The following PTCHD4 variants were observed in gnomAD, a reference collection of about 807,000 sequenced individuals.
The protein encoded by PTCHD4 is patched domain-containing protein 4.
A neutral mutation model predicts 58.1 loss-of-function variants in PTCHD4; 33 were observed. That is an observed-to-expected ratio of 0.57 (90% CI 0.43 to 0.76). The LOEUF is 0.76. Among genes scored for constraint, PTCHD4 ranks in the 30% least tolerant of loss-of-function variants. The pLI is 0.00. For missense variants in PTCHD4, 1,058 were observed against 1,027.1 expected (o/e 1.03, Z -0.41); for synonymous variants, 478 against 409.6 (o/e 1.17, Z -2.02).
chr6:47,971,533 T>C (rs1373470339), intron 4 of PTCHD4, among the ~76,000 whole-genome samples: 3 of 152,174 alleles, frequency 2.0e-5, no homozygotes, highest in Non-Finnish European at 4.4e-5. Context: ...CCTGGTACTA[T>C]AGCAGCTAAA....
chr6:47,896,405 TA>T (rs956844478), intron 4 of PTCHD4, among the ~76,000 whole-genome samples: 18 of 152,306 alleles, frequency 1.2e-4, no homozygotes, highest in African/African-American at 3.8e-4. Context: ...ATAAATGCTT[TA>T]AAAAAATAGG....
intron 4 of PTCHD4, among the ~76,000 whole-genome samples, chr6:47,994,039 T>C (rs1196052910): frequency 2.0e-5 from 3 of 152,042 alleles, no homozygotes; most frequent in Admixed American, 1.3e-4. Flanking sequence ...GAGACTGAAG[T>C]TGTTGCTAGA....
At chr6:48,075,621 G>T (rs1331112) in intron 1 of PTCHD4, among the ~76,000 whole-genome samples, 1 of 151,940 alleles carries the variant, frequency 6.6e-6, no homozygotes, top group Non-Finnish European at 1.5e-5. Context: ...TCACAATAAA[G>T]CAACTATTGC....
intron 1 of PTCHD4, among the ~76,000 whole-genome samples, chr6:48,086,373 G>A (rs919696176): frequency 6.6e-6 from 1 of 151,806 alleles, no homozygotes; most frequent in African/African-American, 2.4e-5. Flanking sequence ...AAATAAACAG[G>A]CAGCAGTCTG....
chr6:47,960,807 A>T (rs980581262), intron 4 of PTCHD4, among the ~76,000 whole-genome samples: 1 of 152,024 alleles, frequency 6.6e-6, no homozygotes, highest in African/African-American at 2.4e-5. Context: ...AGAAAAAAAG[A>T]ACTGCAAAGA....
intron 1 of PTCHD4, among the ~76,000 whole-genome samples, chr6:48,084,244 G>T (rs1052056940): frequency 2.6e-5 from 4 of 152,090 alleles, no homozygotes; most frequent in Non-Finnish European, 5.9e-5. Flanking sequence ...TTAAATAAAA[G>T]GAATCTCTGT....
At chr6:47,994,291 C>T (rs909759266) in intron 4 of PTCHD4, among the ~76,000 whole-genome samples, 1 of 152,160 alleles carries the variant, frequency 6.6e-6, no homozygotes, top group African/African-American at 2.4e-5. Context: ...CCATGCAAGG[C>T]ACCCAAGGTA....
chr6:47,926,930 C>A (rs1765642881), intron 4 of PTCHD4, among the ~76,000 whole-genome samples: 1 of 152,174 alleles, frequency 6.6e-6, no homozygotes, highest in South Asian at 2.1e-4. Flanking sequence ...ATTATTGAAA[C>A]ACTTGCACCA....
At chr6:48,045,930 A>G (rs896632816) in intron 3 of PTCHD4, among the ~76,000 whole-genome samples, 2 of 151,808 alleles carry the variant, frequency 1.3e-5, no homozygotes, top group African/African-American at 4.8e-5. Context: ...ACAAATTTTT[A>G]ACAAGGTGTT....
intron 3 of PTCHD4, among the ~76,000 whole-genome samples, chr6:48,054,382 C>T (rs1764337861): frequency 6.6e-6 from 1 of 152,086 alleles, no homozygotes; most frequent in South Asian, 2.1e-4. Context: ...AACAACTGCT[C>T]CCCTGGAACT....
chr6:47,882,487 C>T (rs910554904), intron 4 of PTCHD4, among the ~76,000 whole-genome samples: 2 of 151,918 alleles, frequency 1.3e-5, no homozygotes, highest in African/African-American at 4.8e-5. Flanking sequence ...CTGATATTCA[C>T]TCATTTGACT....
intron 1 of PTCHD4, among the ~76,000 whole-genome samples, chr6:48,102,044 T>C (rs1440478895): frequency 2.0e-5 from 3 of 152,216 alleles, no homozygotes; most frequent in Non-Finnish European, 4.4e-5. Context: ...TGCATGTTCA[T>C]TTCTTAGTCT....
Position 47,867,413 on chromosome 6 carries a change from A to C in PTCHD4, c.*10890T>G, listed in dbSNP as rs920963039. 6.6e-6 allele frequency among the ~76,000 whole-genome samples: 1 copy of C among 151,790 alleles called. No homozygotes were observed. Among genetic ancestry groups the C allele is most frequent in the African/African-American group, 2.4e-5 (1 of 41,368 alleles). ...TTTAACAGTTAAAATTCAAAAATAG[A>C]GACTGTGTATTTACATTTTGTAAAC... On this transcript the variant is annotated 3_prime_UTR_variant, in exon 5 of 5. Transcript: ENST00000339488.
intron 4 of PTCHD4, among the ~76,000 whole-genome samples, chr6:47,911,065 T>C (rs1031179718): frequency 2.0e-5 from 3 of 152,116 alleles, no homozygotes; most frequent in African/African-American, 7.2e-5. Context: ...TTAGTGCTTG[T>C]GGTGGTCACT....
chr6:48,042,562 A>G (rs1763883326), intron 3 of PTCHD4, among the ~76,000 whole-genome samples: 1 of 151,898 alleles, frequency 6.6e-6, no homozygotes, highest in Non-Finnish European at 1.5e-5. Flanking sequence ...GAAAGGTGTG[A>G]TAGAAATATC....
chr6:47,926,511 C>T (rs746299445), intron 4 of PTCHD4, among the ~76,000 whole-genome samples: 2 of 152,166 alleles, frequency 1.3e-5, no homozygotes, highest in Non-Finnish European at 2.9e-5. Flanking sequence ...GTTAGAAATG[C>T]AGACTCTCAG....
chr6:48,025,464 C>T lies in PTCHD4; in HGVS notation c.418-16350G>A, dbSNP rs2753196. Among the ~76,000 whole-genome samples, 878 of 152,158 alleles carry T rather than the reference C, an allele frequency of 5.8e-3. 6 individuals are homozygous for T. Among genetic ancestry groups the T allele is most frequent in the African/African-American group, 0.018 (766 of 41,500 alleles). On this transcript the variant is annotated intron_variant, in intron 3 of 4. Coordinates refer to ENST00000339488, the MANE Select transcript of PTCHD4 (RefSeq NM_001384253.1). ...CCTGTCATTCTCCCTTATTGCAACACAGATTAATTTCCTATAATTTTGCAA... is the reference window on the plus strand; with the variant it reads ...CCTGTCATTCTCCCTTATTGCAACATAGATTAATTTCCTATAATTTTGCAA...
chr6:48,096,796 G>A (rs539560376), intron 1 of PTCHD4, among the ~76,000 whole-genome samples: 8 of 152,032 alleles, frequency 5.3e-5, no homozygotes, highest in African/African-American at 1.7e-4. Context: ...CTTTTGCATT[G>A]AAGTATATAA....
intron 4 of PTCHD4, among the ~76,000 whole-genome samples, chr6:48,002,064 C>T (rs1431203323): frequency 6.6e-6 from 1 of 152,168 alleles, no homozygotes; most frequent in African/African-American, 2.4e-5. Flanking sequence ...CAATGAGATA[C>T]CATCACACAC....
Sources: gnomAD v4.1 joint callset for allele counts (sites outside exome capture counted in the v4.1 genomes callset) on GRCh38, gnomAD v4.1.1 for gene constraint, MANE v1.5 for transcripts, NCBI Gene and HGNC (gene_info 2026-07-23, HGNC 2026-07-21) for gene names.